Variants in CLASP2 observed in about 807,000 individuals in gnomAD.
CLASP2 encodes CLIP-associating protein 2.
A neutral mutation model predicts 194.4 loss-of-function variants in CLASP2; 47 were observed. That is an observed-to-expected ratio of 0.24 (90% confidence interval 0.19 to 0.31). The LOEUF is 0.31. Ranked by LOEUF, CLASP2 falls within the 10% of genes least tolerant of loss-of-function variation. The pLI, the probability that CLASP2 is intolerant of heterozygous loss-of-function variation, is 1.00. For missense variants in CLASP2, 1,445 were observed against 1,823.6 expected, an observed-to-expected ratio of 0.79 and a Z score of 3.78; for synonymous variants, 619 against 633.5, an observed-to-expected ratio of 0.98 and a Z score of 0.34.
chr3:33,551,232 A>T lies in CLASP2; in HGVS notation c.3153+20T>A. ...ACTTGCTTTCCCAATTTATCTTCTA[A>T]ACCTCATATTAAAATATACCTTCCG... is the stretch of plus-strand genomic sequence containing the variant. On this transcript the variant is annotated intron_variant, in intron 30 of 38. Transcript: ENST00000682230. 1.3e-6 allele frequency: 2 copies of T among 1,599,886 alleles called. No homozygotes were observed. The highest frequency in any genetic ancestry group is 1.7e-6 in the Non-Finnish European group (2 of 1,171,956).
At chr3:33,592,986 A>G (rs951368878) in intron 20 of CLASP2, among the ~76,000 whole-genome samples, 3 of 152,240 alleles carry the variant, frequency 2.0e-5, no homozygotes, top group Admixed American at 1.3e-4. Context: ...TCTTTATATC[A>G]GATTACTACA....
chr3:33,679,811 A>G (rs1161665125), intron 6 of CLASP2, among the ~76,000 whole-genome samples: 1 of 152,234 alleles, frequency 6.6e-6, no homozygotes, highest in Non-Finnish European at 1.5e-5. Flanking sequence ...AGCACTTTGG[A>G]AGACAGTCTG....
At chr3:33,656,535 G>A (rs545031801) in intron 7 of CLASP2, among the ~76,000 whole-genome samples, 6 of 152,286 alleles carry the variant, frequency 3.9e-5, no homozygotes, top group South Asian at 2.1e-4. Context: ...GGGAGTGTAT[G>A]TGGTAAAGCC....
rs181036567 is a variant in CLASP2 at position 33,496,599 on chromosome 3, A to G, written c.*2032T>C. The G allele has an allele frequency of 6.6e-6, 1 of 152,250 alleles. No homozygotes were observed. The highest frequency in any genetic ancestry group is 6.5e-5 in the Admixed American group (1 of 15,292). The allele number at this position is 152,250 out of a possible 1,614,324, so 9.4% of individuals were successfully genotyped here. ...TTCTTGAGTGCCTGCCTGCCATTAGATGCCAGGTGCTTATCTAATTTTCCA... is the reference window on the plus strand; with the variant it reads ...TTCTTGAGTGCCTGCCTGCCATTAGGTGCCAGGTGCTTATCTAATTTTCCA... On this transcript the variant is annotated 3_prime_UTR_variant, in exon 39 of 39. Coordinates refer to ENST00000682230, the MANE Select transcript of CLASP2 (RefSeq NM_001365631.1).
chr3:33,556,200 AAG>A, intron 29 of CLASP2, among the ~76,000 whole-genome samples: 1 of 152,290 alleles, frequency 6.6e-6, no homozygotes, highest in East Asian at 1.9e-4. Context: ...GACACTCTGA[AAG>A]AGATGTAAAA....
At chr3:33,561,012 G>A in intron 27 of CLASP2, 41 bp from the exon 28 acceptor site, 2 of 1,559,602 alleles carry the variant, frequency 1.3e-6, no homozygotes, top group Non-Finnish European at 1.8e-6. Flanking sequence ...AAAAAAAGAG[G>A]AAATATTGAC....
chr3:33,676,908 C>A (rs1339307247), intron 6 of CLASP2, among the ~76,000 whole-genome samples: 2 of 152,178 alleles, frequency 1.3e-5, no homozygotes, highest in African/African-American at 4.8e-5. Flanking sequence ...TGAACAGACA[C>A]TTCTCAAAAG....
chr3:33,613,588 T>G lies in CLASP2; in HGVS notation c.1318-1517A>C, dbSNP rs138354049. On this transcript the variant is annotated intron_variant, in intron 12 of 38. Transcript: ENST00000682230. Reference sequence around the variant, plus strand: ...AAATGAAAACCCTTTTTTCAGCCACTAAAGAGAAACGATCTATAGACTTGA... The same window carrying G: ...AAATGAAAACCCTTTTTTCAGCCACGAAAGAGAAACGATCTATAGACTTGA... Among the ~76,000 whole-genome samples the G allele has an allele frequency of 9.2e-5, 14 of 152,272 alleles. No individual in the cohort carries two copies. In the East Asian group the frequency reaches 2.5e-3, roughly 27 times the overall value.
At chr3:33,629,898 T>C (rs1297829731) in intron 9 of CLASP2, among the ~76,000 whole-genome samples, 1 of 151,330 alleles carries the variant, frequency 6.6e-6, no homozygotes, top group African/African-American at 2.4e-5. Flanking sequence ...AAATCAAGCA[T>C]AGATGAGAAG....
intron 8 of CLASP2, among the ~76,000 whole-genome samples, chr3:33,633,925 T>G (rs2079600252): frequency 6.6e-6 from 1 of 152,136 alleles, no homozygotes; most frequent in Non-Finnish European, 1.5e-5. Context: ...TGGGGTGTCT[T>G]AAAGATATTT....
At chr3:33,655,705 A>G (rs2084044088) in intron 7 of CLASP2, among the ~76,000 whole-genome samples, 1 of 152,080 alleles carries the variant, frequency 6.6e-6, no homozygotes. Context: ...GTACTAATTT[A>G]TTGCTATTGT....
At chr3:33,569,193 T>C (rs180761615) in intron 26 of CLASP2, among the ~76,000 whole-genome samples, 1 of 152,320 alleles carries the variant, frequency 6.6e-6, no homozygotes, top group Non-Finnish European at 1.5e-5. Context: ...GGCCAAACAT[T>C]TGTGCTCAGT....
At chr3:33,539,004 G>A in intron 32 of CLASP2, 62 bp from the exon 33 acceptor site, 4 of 1,172,182 alleles carry the variant, frequency 3.4e-6, no homozygotes, top group Non-Finnish European at 4.7e-6. Flanking sequence ...ACACATCTGA[G>A]GAGATTATAT....
chr3:33,559,818 C>G (rs1280826323), intron 28 of CLASP2, among the ~76,000 whole-genome samples: 1 of 152,028 alleles, frequency 6.6e-6, no homozygotes, highest in Admixed American at 6.6e-5. Context: ...CGCTTGAACC[C>G]AGGAGGCAGA....
chr3:33,713,129 C>A (rs952196368), intron 1 of CLASP2, among the ~76,000 whole-genome samples: 3 of 151,210 alleles, frequency 2.0e-5, no homozygotes, highest in Admixed American at 2.0e-4. Context: ...ATTATGTCTT[C>A]ATGGGTAGTC....
At chr3:33,555,881 T>A (rs1210664278) in intron 29 of CLASP2, among the ~76,000 whole-genome samples, 1 of 152,214 alleles carries the variant, frequency 6.6e-6, no homozygotes, top group Non-Finnish European at 1.5e-5. Flanking sequence ...TTTCACAGAA[T>A]GTATGTGTTT....
intron 6 of CLASP2, among the ~76,000 whole-genome samples, chr3:33,677,082 A>T (rs1335538986): frequency 5.3e-5 from 8 of 151,904 alleles, no homozygotes; most frequent in Admixed American, 2.6e-4. Context: ...GTGGAGAAAT[A>T]GGAACACTTT....
In CLASP2 at chr3:33,684,034, G is replaced by A. The variant is rs1360388739; in HGVS notation, c.644+325C>T. 2.0e-5 allele frequency among the ~76,000 whole-genome samples: 3 copies of A among 151,254 alleles called. No homozygotes were observed. In the East Asian group the frequency reaches 5.9e-4, roughly 29 times the overall value. ...TGAGGTGGGTGGATCACCTGAGGTT[G>A]AGAGTTTGAGACCAGCCTGACCAAC... On this transcript the variant is annotated intron_variant, in intron 6 of 38. Transcript: ENST00000682230.
chr3:33,553,938 T>C (rs1256736629), intron 29 of CLASP2, among the ~76,000 whole-genome samples: 1 of 151,964 alleles, frequency 6.6e-6, no homozygotes, highest in South Asian at 2.1e-4. Context: ...TACCAAGATA[T>C]GGAATCGGCC....
Sources: allele counts gnomAD v4.1 joint callset (sites outside exome capture counted in the v4.1 genomes callset), GRCh38; gene constraint gnomAD v4.1.1; transcripts MANE v1.5; gene names NCBI Gene and HGNC (gene_info 2026-07-23, HGNC 2026-07-21).